Variants in KHDRBS2 observed in about 807,000 individuals in gnomAD.
The protein encoded by KHDRBS2 is KH domain-containing, RNA-binding, signal transduction-associated protein 2.
KHDRBS2 carries 26 observed loss-of-function variants against 44.3 expected under a neutral mutation model. The observed-to-expected ratio is 0.59, with a 90% CI of 0.43 to 0.81. KHDRBS2 has a LOEUF of 0.81. KHDRBS2 is among the 40% of genes least tolerant of loss of function. The probability of loss-of-function intolerance (pLI) is 0.00; values close to 1 mark genes in which losing one functional copy is unlikely to be tolerated. For synonymous variants in KHDRBS2, 194 were observed against 151.1 expected (o/e 1.28, Z -2.08); for missense variants, 476 against 433.1 (o/e 1.10, Z -0.88).
intron 6 of KHDRBS2, among the ~76,000 whole-genome samples, chr6:61,799,561 C>T (rs1242895725): frequency 6.6e-6 from 1 of 151,952 alleles, no homozygotes; most frequent in Admixed American, 6.6e-5. Context: ...TGGAAAATTA[C>T]TTTTCAGTTG....
chr6:62,276,482 A>C (rs1840956194), intron 1 of KHDRBS2, among the ~76,000 whole-genome samples: 1 of 152,142 alleles, frequency 6.6e-6, no homozygotes, highest in South Asian at 2.1e-4. Flanking sequence ...AAAATTATCC[A>C]ATCACTTTTT....
intron 6 of KHDRBS2, among the ~76,000 whole-genome samples, chr6:61,857,543 T>C (rs1470892697): frequency 6.6e-6 from 1 of 151,804 alleles, no homozygotes; most frequent in Admixed American, 6.6e-5. Flanking sequence ...TAACTTATAA[T>C]CAATGTTTCC....
At chr6:62,054,491 A>G (rs1224367909) in intron 2 of KHDRBS2, among the ~76,000 whole-genome samples, 1 of 152,068 alleles carries the variant, frequency 6.6e-6, no homozygotes, top group African/African-American at 2.4e-5. Flanking sequence ...TACTCTACAT[A>G]AGAAACTATA....
the KHDRBS2 span, among the ~76,000 whole-genome samples, chr6:61,568,766 C>T: frequency 6.6e-6 from 1 of 152,184 alleles, no homozygotes; most frequent in Non-Finnish European, 1.5e-5. Context: ...CTCCCAGTCT[C>T]CAGCTCAAGC....
intron 2 of KHDRBS2, among the ~76,000 whole-genome samples, chr6:62,096,742 T>C (rs1164310831): frequency 6.6e-6 from 1 of 151,904 alleles, no homozygotes; most frequent in African/African-American, 2.4e-5. Flanking sequence ...CTTTATTATT[T>C]CTTTCTGTTT....
chr6:62,208,262 C>T (rs1358223334), intron 1 of KHDRBS2, among the ~76,000 whole-genome samples: 1 of 152,090 alleles, frequency 6.6e-6, no homozygotes, highest in Non-Finnish European at 1.5e-5. Flanking sequence ...CTTTGTTGCA[C>T]AGGCTTGAGT....
intron 2 of KHDRBS2, among the ~76,000 whole-genome samples, chr6:62,059,465 G>A (rs1352071371): frequency 6.6e-6 from 1 of 151,066 alleles, no homozygotes; most frequent in African/African-American, 2.4e-5. Context: ...TGAGACTGAA[G>A]CAATATCCTC....
At chr6:61,764,626 C>G (rs62426177) in intron 6 of KHDRBS2, among the ~76,000 whole-genome samples, 27,838 of 152,080 alleles carry the variant, frequency 0.18, 2,669 homozygotes, top group Non-Finnish European at 0.2. Context: ...CTCTAATGAT[C>G]AGTGATATCG....
intron 2 of KHDRBS2, among the ~76,000 whole-genome samples, chr6:62,147,231 C>T (rs1357910743): frequency 2.0e-5 from 3 of 151,822 alleles, no homozygotes; most frequent in Non-Finnish European, 2.9e-5. Context: ...AATCTTAGGG[C>T]TTCAAGGACT....
intron 4 of KHDRBS2, among the ~76,000 whole-genome samples, chr6:61,970,667 C>T (rs1771185043): frequency 6.6e-6 from 1 of 152,118 alleles, no homozygotes; most frequent in Admixed American, 6.6e-5. Context: ...TCACATACCC[C>T]AACAGGGGAA....
At chr6:62,202,998 C>T (rs1827289754) in intron 1 of KHDRBS2, among the ~76,000 whole-genome samples, 1 of 152,104 alleles carries the variant, frequency 6.6e-6, no homozygotes, top group South Asian at 2.1e-4. Flanking sequence ...TCTCTGAGGA[C>T]ATGAATGTTT....
At chr6:61,627,355 G>A in the KHDRBS2 span, among the ~76,000 whole-genome samples, 4 of 151,686 alleles carry the variant, frequency 2.6e-5, no homozygotes, top group African/African-American at 9.7e-5. Context: ...CGTGATAGGA[G>A]TGTTTGTTAT....
At chr6:62,060,619 C>G (rs1286760927) in intron 2 of KHDRBS2, among the ~76,000 whole-genome samples, 11 of 148,304 alleles carry the variant, frequency 7.4e-5, no homozygotes, top group African/African-American at 2.8e-4. Flanking sequence ...GTCTCTCTCT[C>G]TCTCTCTCTC....
At chr6:61,553,193 T>G in the KHDRBS2 span, among the ~76,000 whole-genome samples, 1 of 152,140 alleles carries the variant, frequency 6.6e-6, no homozygotes, top group Non-Finnish European at 1.5e-5. Context: ...AACTTATGAT[T>G]TGTTCAGGGA....
chr6:62,144,204 T>C (rs1347243928), intron 2 of KHDRBS2, among the ~76,000 whole-genome samples: 1 of 151,986 alleles, frequency 6.6e-6, no homozygotes, highest in African/African-American at 2.4e-5. Context: ...TGCTGTCTAT[T>C]CTATTTTCTT....
intron 2 of KHDRBS2, among the ~76,000 whole-genome samples, chr6:62,074,603 A>C (rs538607160): frequency 1.7e-4 from 26 of 151,970 alleles, no homozygotes; most frequent in African/African-American, 6.0e-4. Context: ...TATCTTCTTG[A>C]GATGAATGTT....
the KHDRBS2 span, among the ~76,000 whole-genome samples, chr6:61,553,145 T>G: frequency 2.0e-5 from 3 of 152,216 alleles, no homozygotes; most frequent in Non-Finnish European, 4.4e-5. Flanking sequence ...CTTTTTTGGA[T>G]AGTAGGCTTT....
the KHDRBS2 span, among the ~76,000 whole-genome samples, chr6:61,660,078 C>T: frequency 6.6e-6 from 1 of 151,924 alleles, no homozygotes; most frequent in South Asian, 2.1e-4. Flanking sequence ...TACTGGGACA[C>T]ATCTGAGAGT....
Position 61,978,146 on chromosome 6 carries a change from T to C in KHDRBS2, c.403A>G (p.Ile135Val). 6.2e-7 allele frequency: 1 copy of C among 1,611,412 alleles called. No homozygotes were observed. Among genetic ancestry groups the C allele is most frequent in the South Asian group, 1.1e-5 (1 of 90,880 alleles). ...AHLSDELHVL[I>V]EVFAPPGEAY... Reference sequence around the variant, plus strand: ...TCCCCAGGTGGAGCAAACACTTCAATTAATACATGAAGCTCATCACTCAAG... The same window carrying C: ...TCCCCAGGTGGAGCAAACACTTCAACTAATACATGAAGCTCATCACTCAAG... The change falls in exon 4 of 9, where the codon ATT (isoleucine) becomes GTT (valine). Residue 135 changes from isoleucine (I) to valine (V), a missense_variant. Ile to Val is a conservative substitution (Grantham distance 29). Transcript: ENST00000281156.
Sources: allele counts gnomAD v4.1 joint callset (sites outside exome capture counted in the v4.1 genomes callset), GRCh38; gene constraint gnomAD v4.1.1; transcripts MANE v1.5; gene names NCBI Gene and HGNC (gene_info 2026-07-23, HGNC 2026-07-21).